EPB41L4B: variants seen among roughly 807,000 people sequenced by gnomAD.
EPB41L4B encodes the protein band 4.1-like protein 4B.
Under a neutral mutation model 112.5 loss-of-function variants are expected in EPB41L4B, and 30 were observed. The observed-to-expected ratio is 0.27, with a 90% CI of 0.20 to 0.36. The LOEUF (loss-of-function observed/expected upper bound fraction) is 0.36. Ranked by LOEUF, EPB41L4B falls within the 10% of genes least tolerant of loss-of-function variation. The pLI, the probability that EPB41L4B is intolerant of heterozygous loss-of-function variation, is 1.00. For missense variants in EPB41L4B, 1,024 were observed against 1,133.3 expected (o/e 0.90, Z 1.38); for synonymous variants, 408 against 439.7 (o/e 0.93, Z 0.90).
chr9:109,241,633 G>T, intron 15 of EPB41L4B: 2 of 1,613,008 alleles, frequency 1.2e-6, no homozygotes, highest in Non-Finnish European at 1.7e-6. Flanking sequence ...AAACTATGAA[G>T]GTGAATGGAA....
intron 2 of EPB41L4B, among the ~76,000 whole-genome samples, chr9:109,272,818 T>A (rs1835672912): frequency 6.6e-6 from 1 of 152,162 alleles, no homozygotes; most frequent in Non-Finnish European, 1.5e-5. Context: ...AATCAAATTG[T>A]ACCCAAAGGA....
intron 23 of EPB41L4B, among the ~76,000 whole-genome samples, chr9:109,183,086 G>A (rs1832128168): frequency 1.3e-5 from 2 of 152,254 alleles, no homozygotes; most frequent in Non-Finnish European, 2.9e-5. Flanking sequence ...GCCTTCAGCG[G>A]GATCTGCTTG....
intron 1 of EPB41L4B, among the ~76,000 whole-genome samples, chr9:109,290,858 C>T (rs1358000727): frequency 6.6e-6 from 1 of 152,082 alleles, no homozygotes; most frequent in Non-Finnish European, 1.5e-5. Context: ...ACTGTTTACT[C>T]TTGGACATCA....
intron 16 of EPB41L4B, among the ~76,000 whole-genome samples, chr9:109,214,656 AGGACAG>A (rs1280419799): frequency 5.3e-5 from 8 of 152,224 alleles, no homozygotes; most frequent in African/African-American, 1.9e-4. Flanking sequence ...GCAGGTGCAA[AGGACAG>A]AGTTGAGACC....
chr9:109,246,019 T>G (rs994622143), intron 14 of EPB41L4B, among the ~76,000 whole-genome samples: 1 of 152,244 alleles, frequency 6.6e-6, no homozygotes, highest in African/African-American at 2.4e-5. Flanking sequence ...CTTCAAGCAC[T>G]GATCACCTAT....
chr9:109,307,694 T>C (rs771146004), intron 1 of EPB41L4B, among the ~76,000 whole-genome samples: 3 of 152,170 alleles, frequency 2.0e-5, no homozygotes, highest in Non-Finnish European at 4.4e-5. Context: ...TGCAGGTTAA[T>C]AACTAACCCC....
chr9:109,262,966 G>T, intron 6 of EPB41L4B, 84 bp downstream of exon 6: 1 of 945,764 alleles, frequency 1.1e-6, no homozygotes, highest in East Asian at 2.7e-5. Context: ...GCTAAGCACT[G>T]GGCCTGGTAT....
intron 1 of EPB41L4B, among the ~76,000 whole-genome samples, chr9:109,318,012 T>A (rs961275420): frequency 2.6e-5 from 4 of 152,236 alleles, no homozygotes; most frequent in Non-Finnish European, 5.9e-5. Context: ...GAGACTGTGA[T>A]GCAGTCCTAA....
chr9:109,277,566 C>T lies in EPB41L4B; in HGVS notation c.411+2251G>A, dbSNP rs139957736. ...GCTTGGACTCTGCTGAACCTGTGAT[C>T]GGTGCTGATGCCAGAAGGCACAGAC... On this transcript the variant is annotated intron_variant, in intron 2 of 25. Coordinates refer to ENST00000374566, the MANE Select transcript of EPB41L4B (RefSeq NM_019114.5). 9.9e-4 allele frequency among the ~76,000 whole-genome samples: 150 copies of T among 152,258 alleles called. 1 individual carries two copies. The highest frequency in any genetic ancestry group is 1.7e-3 in the South Asian group (8 of 4,822).
chr9:109,209,653 A>AAT (rs1833095849), intron 17 of EPB41L4B, among the ~76,000 whole-genome samples: 1 of 151,992 alleles, frequency 6.6e-6, no homozygotes, highest in Admixed American at 6.6e-5. Context: ...TCTCAAAAAA[A>AAT]AAAAAAAGAT....
At chr9:109,219,927 A>G (rs1001034092) in intron 15 of EPB41L4B, among the ~76,000 whole-genome samples, 2 of 152,176 alleles carry the variant, frequency 1.3e-5, no homozygotes, top group Non-Finnish European at 2.9e-5. Context: ...GACACAGAGA[A>G]GTAGTCCCTG....
At chr9:109,253,845 C>T (rs1324192897) in intron 11 of EPB41L4B, among the ~76,000 whole-genome samples, 1 of 152,184 alleles carries the variant, frequency 6.6e-6, no homozygotes, top group African/African-American at 2.4e-5. Context: ...ATTAAGAGAA[C>T]ATTGATTTTC....
intron 1 of EPB41L4B, among the ~76,000 whole-genome samples, chr9:109,289,634 C>T (rs576883336): frequency 1.4e-4 from 21 of 152,320 alleles, no homozygotes; most frequent in African/African-American, 5.1e-4. Context: ...GATGCAGAAC[C>T]CTGTTACTCC....
At chr9:109,306,581 C>T (rs936312833) in intron 1 of EPB41L4B, among the ~76,000 whole-genome samples, 2 of 151,352 alleles carry the variant, frequency 1.3e-5, no homozygotes, top group Non-Finnish European at 2.9e-5. Flanking sequence ...CCACTGCACT[C>T]CAGCCTGGGC....
At chr9:109,266,126 C>T (rs369118522) in intron 4 of EPB41L4B, among the ~76,000 whole-genome samples, 14 of 152,296 alleles carry the variant, frequency 9.2e-5, no homozygotes, top group African/African-American at 3.1e-4. Context: ...ATAAACATGG[C>T]CAGAACTCTT....
At chr9:109,245,604 C>T (rs368306989) in intron 14 of EPB41L4B, among the ~76,000 whole-genome samples, 2 of 152,326 alleles carry the variant, frequency 1.3e-5, no homozygotes, top group South Asian at 4.1e-4. Flanking sequence ...CTCTCCCTCC[C>T]CAAATGCCAA....
At chr9:109,194,547 T>A (rs1281715524) in intron 20 of EPB41L4B, 150 bp from the exon 21 acceptor site, 2 of 798,094 alleles carry the variant, frequency 2.5e-6, no homozygotes, top group Non-Finnish European at 3.8e-6. Flanking sequence ...GCTTGCAGGA[T>A]CCAATACTCT....
chr9:109,293,510 G>A lies in EPB41L4B; in HGVS notation c.307-13589C>T, dbSNP rs187387307. ...TGATTCCCCTGCCTCAGCCTCCTGA[G>A]TAGCTGGTATTACAGGCACCCGCCA... On this transcript the variant is annotated intron_variant, in intron 1 of 25. Transcript: ENST00000374566. Among the ~76,000 whole-genome samples, 49 of 151,712 alleles carry A rather than the reference G, an allele frequency of 3.2e-4. 2 individuals are homozygous for A. In the East Asian group the frequency reaches 6.0e-3, roughly 19 times the overall value.
chr9:109,298,732 G>A (rs1475318860), intron 1 of EPB41L4B, among the ~76,000 whole-genome samples: 2 of 152,168 alleles, frequency 1.3e-5, no homozygotes, highest in Admixed American at 1.3e-4. Flanking sequence ...AAACACCTAG[G>A]TAACGTCTCG....
Sources: gnomAD v4.1 joint callset for allele counts (sites outside exome capture counted in the v4.1 genomes callset) on GRCh38, gnomAD v4.1.1 for gene constraint, MANE v1.5 for transcripts, NCBI Gene and HGNC (gene_info 2026-07-23, HGNC 2026-07-21) for gene names.